STK32C: variants seen among roughly 807,000 people sequenced by gnomAD.
STK32C encodes serine/threonine-protein kinase 32C.
Under a neutral mutation model 56.5 loss-of-function variants are expected in STK32C, and 31 were observed. That is an observed-to-expected ratio of 0.55 (90% CI 0.41 to 0.74). STK32C has a LOEUF of 0.74. Among genes scored for constraint, STK32C ranks in the 30% least tolerant of loss-of-function variants. STK32C has a pLI of 0.00. For missense variants in STK32C, 544 were observed against 676.9 expected (o/e 0.80, Z 2.18); for synonymous variants, 309 against 289.4 (o/e 1.07, Z -0.69).
At chr10:132,234,030 A>C (rs2063189685) in intron 2 of STK32C, among the ~76,000 whole-genome samples, 1 of 152,156 alleles carries the variant, frequency 6.6e-6, no homozygotes, top group Non-Finnish European at 1.5e-5. Flanking sequence ...CGTTCCGATG[A>C]GGTCTGGGAT....
chr10:132,325,724 CTTT>C (rs541031233), intron 1 of STK32C, among the ~76,000 whole-genome samples: 10,239 of 139,284 alleles, frequency 0.074, 476 homozygotes, highest in Non-Finnish European at 0.12. Flanking sequence ...TTTGGTATGT[CTTT>C]TTTTTTTTTT....
intron 10 of STK32C, among the ~76,000 whole-genome samples, chr10:132,220,637 C>T (rs2062608604): frequency 6.6e-6 from 1 of 152,254 alleles, no homozygotes; most frequent in Non-Finnish European, 1.5e-5. Flanking sequence ...AGTCCCATCT[C>T]TACCACCATC....
intron 2 of STK32C, among the ~76,000 whole-genome samples, chr10:132,231,000 G>C (rs986918654): frequency 3.3e-5 from 5 of 152,168 alleles, no homozygotes; most frequent in Non-Finnish European, 7.4e-5. Flanking sequence ...GGCGGACACA[G>C]ACCGGGTGTC....
chr10:132,252,941 C>T (rs1191103032), intron 1 of STK32C, among the ~76,000 whole-genome samples: 1 of 152,176 alleles, frequency 6.6e-6, no homozygotes. Flanking sequence ...CACCAGCCCC[C>T]ACACCTCCCA....
intron 1 of STK32C, among the ~76,000 whole-genome samples, chr10:132,288,432 T>C (rs1238543065): frequency 1.3e-5 from 2 of 152,242 alleles, no homozygotes; most frequent in Non-Finnish European, 2.9e-5. Flanking sequence ...AGATGCAGAA[T>C]TGGCTCCTGT....
chr10:132,242,704 C>G (rs994979543), intron 2 of STK32C, among the ~76,000 whole-genome samples: 12 of 152,222 alleles, frequency 7.9e-5, no homozygotes, highest in African/African-American at 2.9e-4. Context: ...TGGGGCCCAC[C>G]ACTGTTTTGG....
In STK32C at chr10:132,331,200, C is replaced by CAAA. The variant is rs35734065; in HGVS notation, c.301+233_301+235dup. Among the ~76,000 whole-genome samples the CAAA allele has an allele frequency of 3.1e-3, 177 of 56,306 alleles. 5 individuals carry two copies. The highest frequency in any genetic ancestry group is 9.1e-3 in the African/African-American group (129 of 14,164). The allele number at this position is 56,306 out of a possible 152,430, so 36.9% of individuals were successfully genotyped here. On this transcript the variant is annotated intron_variant, in intron 1 of 1. Coordinates refer to the STK32C transcript ENST00000368619. ...TGGGAGACAAAGCAAGACTCCACCT[C>CAAA]AAAAAAAAAAAAAAAAAAAAAAAAG...
chr10:132,215,242 G>A lies in STK32C; in HGVS notation c.1252-6141C>T, dbSNP rs139533076. 8.9e-4 allele frequency among the ~76,000 whole-genome samples: 136 copies of A among 152,150 alleles called. 1 individual carries two copies. Among genetic ancestry groups the A allele is most frequent in the African/African-American group, 3.1e-3 (127 of 41,486 alleles). ...TTGCCCAGCCTGGTCTCAAACTCCT[G>A]GACTCAAGCAATCCTCTCACGTCAC... On this transcript the variant is annotated intron_variant, in intron 10 of 11. Transcript: ENST00000298630.
At chr10:132,306,907 C>T (rs1158331687) in intron 1 of STK32C, 1 of 152,240 alleles carries the variant, frequency 6.6e-6, no homozygotes, top group Non-Finnish European at 1.5e-5. Flanking sequence ...GCAGGCCTGT[C>T]CCATGTCACC....
Position 132,287,117 on chromosome 10 carries a change from T to C in STK32C, c.262+20455A>G, listed in dbSNP as rs112298649. ...CAAAATATCTGCAACATTTGCACACTGAAAGCTAGGAAACGGTGCTGAGAA... is the reference window on the plus strand; with the variant it reads ...CAAAATATCTGCAACATTTGCACACCGAAAGCTAGGAAACGGTGCTGAGAA... On this transcript the variant is annotated intron_variant, in intron 1 of 11. Coordinates refer to ENST00000298630, the MANE Select transcript of STK32C (RefSeq NM_173575.4). Among the ~76,000 whole-genome samples, 1,162 of 152,270 alleles carry C rather than the reference T, an allele frequency of 7.6e-3. 12 individuals carry two copies. Among genetic ancestry groups the C allele is most frequent in the African/African-American group, 0.027 (1,113 of 41,526 alleles).
chr10:132,219,761 A>T (rs2062575883), intron 10 of STK32C, among the ~76,000 whole-genome samples: 1 of 152,068 alleles, frequency 6.6e-6, no homozygotes, highest in African/African-American at 2.4e-5. Context: ...TTCCCCCCAA[A>T]ATCAGGGCAC....
chr10:132,255,535 C>G lies in STK32C; in HGVS notation c.263-9580G>C, dbSNP rs1166138267. ...AGAGACAGGCATGAGAGCCGCTGGG[C>G]AGGGGTGAGGAGGCTCCCGAGTTAC... On this transcript the variant is annotated intron_variant, in intron 1 of 11. Transcript: ENST00000298630. The surrounding 1 kb of genome is among the most constrained non-coding windows in gnomAD (Gnocchi z 4.6). Among the ~76,000 whole-genome samples, 1 of 152,192 alleles carries G rather than the reference C, an allele frequency of 6.6e-6. No homozygotes were observed. The highest frequency in any genetic ancestry group is 1.5e-5 in the Non-Finnish European group (1 of 68,016).
intron 1 of STK32C, among the ~76,000 whole-genome samples, chr10:132,281,011 T>C (rs967453980): frequency 1.3e-5 from 2 of 148,836 alleles, no homozygotes; most frequent in Non-Finnish European, 3.0e-5. Context: ...ATCACGCCCC[T>C]GCACTCCGTG....
At position 132,228,020 on chromosome 10, in the gene STK32C, C is replaced by G; in HGVS notation, c.427G>C (p.Glu143Gln). 2 of 1,613,862 alleles carry G rather than the reference C, an allele frequency of 1.2e-6. No individual in the cohort carries two copies. The highest frequency in any genetic ancestry group is 1.7e-6 in the Non-Finnish European group (2 of 1,180,020). ...ACGTGCTCGATCTCCTGCAGGATCTCCAGCTCCCGGAAGACGTTGCGGACC... is the reference window on the plus strand; with the variant it reads ...ACGTGCTCGATCTCCTGCAGGATCTGCAGCTCCCGGAAGACGTTGCGGACC... ...DEVRNVFREL[E>Q]ILQEIEHVFL... Residue 143 changes from glutamate (E) to glutamine (Q), a missense_variant, in exon 3 of 12, where the codon GAG (glutamate) becomes CAG (glutamine). This residue lies in a region of STK32C where 182 missense variants were observed against 217.7 expected (regional missense o/e 0.84). Transcript: ENST00000298630.
At chr10:132,270,351 A>G (rs2064774839) in intron 1 of STK32C, among the ~76,000 whole-genome samples, 1 of 152,256 alleles carries the variant, frequency 6.6e-6, no homozygotes, top group Non-Finnish European at 1.5e-5. Context: ...CTACCAGGGA[A>G]GGTGATACCA....
chr10:132,218,409 G>C (rs1267316239), intron 10 of STK32C, among the ~76,000 whole-genome samples: 1 of 152,148 alleles, frequency 6.6e-6, no homozygotes, highest in Non-Finnish European at 1.5e-5. Flanking sequence ...AAAACATTTG[G>C]ATAGACATTT....
intron 1 of STK32C, chr10:132,306,820 A>G (rs2066081804): frequency 6.6e-6 from 1 of 152,274 alleles, no homozygotes. Context: ...GCCCACAGGC[A>G]GACGCGGCAC....
chr10:132,286,787 A>G (rs1470348076), intron 1 of STK32C, among the ~76,000 whole-genome samples: 1 of 152,274 alleles, frequency 6.6e-6, no homozygotes, highest in Non-Finnish European at 1.5e-5. Flanking sequence ...GACAAGGCTC[A>G]GCCAACATTA....
Position 132,307,562 on chromosome 10 carries a change from C to G in STK32C, c.262+10G>C. On this transcript the variant is annotated intron_variant, in intron 1 of 11. Transcript: ENST00000298630. This position sits in a 1 kb window ranked among gnomAD's most constrained non-coding sequence, Gnocchi z 4.4. ...CGCGGCCCCCACGTCGTCCCCGTGC[C>G]CGCACTCACCGTCCTCCTTGTCGTC... 1 of 1,548,692 alleles carries G rather than the reference C, an allele frequency of 6.5e-7. No homozygotes were observed. The highest frequency in any genetic ancestry group is 1.2e-5 in the South Asian group (1 of 85,816).
Sources: allele counts gnomAD v4.1 joint callset (sites outside exome capture counted in the v4.1 genomes callset), GRCh38; gene constraint gnomAD v4.1.1; regional missense constraint gnomAD v4.1.1; non-coding constraint Gnocchi (gnomAD v3.1); transcripts MANE v1.5; gene names NCBI Gene and HGNC (gene_info 2026-07-23, HGNC 2026-07-21).